SYPL1: variants seen among roughly 807,000 people sequenced by gnomAD.
The protein encoded by SYPL1 is synaptophysin like 1, also known as synaptophysin-like protein 1.
Under a neutral mutation model 23.7 loss-of-function variants are expected in SYPL1, and 6 were observed. The ratio of observed to expected loss-of-function variants is 0.25; its 90% CI spans 0.14 to 0.50. The LOEUF is 0.50. Among genes scored for constraint, SYPL1 ranks in the 20% least tolerant of loss-of-function variants. The pLI is 0.98. For synonymous variants in SYPL1, 102 were observed against 104.5 expected, an observed-to-expected ratio of 0.98 and a Z score of 0.15; for missense variants, 253 against 288.9, an observed-to-expected ratio of 0.88 and a Z score of 0.90.
chr7:106,092,741 G>C lies in SYPL1; in HGVS notation c.591+208C>G, dbSNP rs1356764460. 8.5e-6 allele frequency: 5 copies of C among 587,096 alleles called. No homozygotes were observed. The East Asian group carries it at 1.3e-4, about 15-fold the overall frequency. The allele number at this position is 587,096 out of a possible 1,614,324, so 36.4% of individuals were successfully genotyped here. On this transcript the variant is annotated intron_variant, in intron 4 of 4. Coordinates refer to ENST00000455385, the MANE Select transcript of SYPL1 (RefSeq NM_182715.4). ...TCTGACTAGATGAAAGAAAGTCTCA[G>C]AGATGAATAAAATCATGATCTTGGT...
rs1408894389 is a variant in SYPL1, at chr7:106,093,070, A to G, written c.470T>C (p.Leu157Pro). The change falls in exon 4 of 5, where the codon CTG (leucine) becomes CCG (proline). Residue 157 changes from leucine to proline, a missense_variant. By Grantham distance (98) the Leu-to-Pro change is moderately conservative. Transcript: ENST00000455385. ...LVSTSAWAKA[L>P]TDIKIATGHN... ...ACCAGTAGCTATTTTAATATCTGTC[A>G]GAGCTTTAGCCCAGGCTGAAGTGCT... 6.2e-7 allele frequency: 1 copy of G among 1,613,850 alleles called. No individual in the cohort carries two copies. The highest frequency in any genetic ancestry group is 1.1e-5 in the South Asian group (1 of 91,032).
chr7:106,108,554 T>G (rs1840737129), intron 1 of SYPL1, among the ~76,000 whole-genome samples: 1 of 152,048 alleles, frequency 6.6e-6, no homozygotes, highest in Admixed American at 6.6e-5. Flanking sequence ...ACCACCAACA[T>G]AAGTGAACAT....
At chr7:106,101,692 CA>C (rs199978656) in intron 1 of SYPL1, among the ~76,000 whole-genome samples, 2,894 of 149,224 alleles carry the variant, frequency 0.019, 81 homozygotes, top group African/African-American at 0.066. Flanking sequence ...ATGGAAGAAT[CA>C]ATACTCTCTC....
In SYPL1 at chr7:106,104,448, G is replaced by A. The variant is rs148312064; in HGVS notation, c.70-5166C>T. 6.1e-4 allele frequency among the ~76,000 whole-genome samples: 93 copies of A among 152,176 alleles called. No homozygotes were observed. Among genetic ancestry groups the A allele is most frequent in the African/African-American group, 2.2e-3 (90 of 41,524 alleles). On this transcript the variant is annotated intron_variant, in intron 1 of 4. Transcript: ENST00000455385. This position sits in a 1 kb window ranked among gnomAD's most constrained non-coding sequence, Gnocchi z 4.1. ...TAATATAACAAGTAGCAAATAAATG[G>A]CATACTGCACTACAGCTTGTTGCTT...
In SYPL1 at chr7:106,096,806, T is replaced by G. The variant is rs10274591; in HGVS notation, c.402+884A>C. ...CAAACTTCTTTTGAAAAGGGCCAAA[T>G]AGCAACTATTTTTTATCTCTGTTAC... On this transcript the variant is annotated intron_variant, in intron 3 of 4. Coordinates refer to ENST00000455385, the MANE Select transcript of SYPL1 (RefSeq NM_182715.4). The surrounding 1 kb of genome is among the most constrained non-coding windows in gnomAD (Gnocchi z 4.4). Among the ~76,000 whole-genome samples, 5,274 of 152,278 alleles carry G rather than the reference T, an allele frequency of 0.035. 302 individuals carry two copies. The highest frequency in any genetic ancestry group is 0.12 in the African/African-American group (4,970 of 41,544).
intron 1 of SYPL1, among the ~76,000 whole-genome samples, chr7:106,102,801 C>T (rs1450769992): frequency 6.6e-6 from 1 of 152,104 alleles, no homozygotes; most frequent in Non-Finnish European, 1.5e-5. Flanking sequence ...CAATAGATAA[C>T]TAATACAAGG....
chr7:106,112,335 C>A, upstream of SYPL1: 1 of 1,255,612 alleles, frequency 8.0e-7, no homozygotes, highest in South Asian at 3.1e-5. Flanking sequence ...CGGAGGCGGG[C>A]CCGGGCGGCC....
At chr7:106,111,845 A>C in intron 1 of SYPL1, 9 of 182,562 alleles carry the variant, frequency 4.9e-5, no homozygotes, top group East Asian at 1.4e-4. Context: ...GCCAAGGGGA[A>C]ATTTGAACTC....
Position 106,109,634 on chromosome 7 carries a change from A to T in SYPL1, c.69+2506T>A, listed in dbSNP as rs576972541. On this transcript the variant is annotated intron_variant, in intron 1 of 4. Transcript: ENST00000455385. The surrounding 1 kb of genome is among the most constrained non-coding windows in gnomAD (Gnocchi z 4.3). ...CCTCCAAAAGATCTAAAGAGACCAC[A>T]AACTCAATACATCTGAAACCTTTGA... Among the ~76,000 whole-genome samples the T allele has an allele frequency of 4.1e-4, 63 of 152,284 alleles. No individual in the cohort carries two copies. The South Asian group carries it at 0.012, about 29-fold the overall frequency.
intron 1 of SYPL1, among the ~76,000 whole-genome samples, chr7:106,099,597 T>C (rs562354454): frequency 6.6e-6 from 1 of 152,218 alleles, no homozygotes; most frequent in East Asian, 1.9e-4. Flanking sequence ...CCTCGCTATG[T>C]TGCTCAGATT....
upstream of SYPL1, chr7:106,112,454 C>T (rs1391872347): frequency 1.1e-5 from 16 of 1,471,952 alleles, no homozygotes; most frequent in Admixed American, 2.6e-5. Context: ...GGGCGGAGAC[C>T]GGGAGGCTTC....
Position 106,095,647 on chromosome 7 carries a change from C to T in SYPL1, c.402+2043G>A, listed in dbSNP as rs1358878067. On this transcript the variant is annotated intron_variant, in intron 3 of 4. Transcript: ENST00000455385. The surrounding 1 kb of genome is among the most constrained non-coding windows in gnomAD (Gnocchi z 4.3). ...GATTACAGGCATGACCCACTGCACC[C>T]AGTCTCTCAAAGAAAATCTTTTAAT... is the stretch of plus-strand genomic sequence containing the variant. Among the ~76,000 whole-genome samples the T allele has an allele frequency of 3.3e-5, 5 of 152,140 alleles. No homozygotes were observed. Among genetic ancestry groups the T allele is most frequent in the Non-Finnish European group, 7.4e-5 (5 of 68,020 alleles).
rs564174436 is a variant in SYPL1 at position 106,097,043 on chromosome 7, C to T, written c.402+647G>A. On this transcript the variant is annotated intron_variant, in intron 3 of 4. Transcript: ENST00000455385. This position sits in a 1 kb window ranked among gnomAD's most constrained non-coding sequence, Gnocchi z 4.6. ...CAGCCTGGGCAACATGGTAAAACTTCGTCTTTACAAAAATACACAAAAAGT... is the reference window on the plus strand; with the variant it reads ...CAGCCTGGGCAACATGGTAAAACTTTGTCTTTACAAAAATACACAAAAAGT... 4.8e-4 allele frequency among the ~76,000 whole-genome samples: 73 copies of T among 152,070 alleles called. No individual in the cohort carries two copies. Among genetic ancestry groups the T allele is most frequent in the Non-Finnish European group, 8.8e-4 (60 of 68,002 alleles).
rs1563339630 is a variant in SYPL1, at chr7:106,097,637, T to C, written c.402+53A>G. The C allele has an allele frequency of 2.1e-6, 3 of 1,453,294 alleles. No individual in the cohort carries two copies. Among genetic ancestry groups the C allele is most frequent in the Non-Finnish European group, 2.8e-6 (3 of 1,073,928 alleles). 90.0% of individuals were successfully genotyped at this position (1,453,294 alleles called of 1,614,324 possible). A position where few individuals can be genotyped will look rare whatever the true frequency, so the allele number is the denominator to read the frequency against. On this transcript the variant is annotated intron_variant, in intron 3 of 4. Transcript: ENST00000455385. The surrounding 1 kb of genome is among the most constrained non-coding windows in gnomAD (Gnocchi z 4.6). ...TTTATTTCCAGTATAAGAAAATCTA[T>C]ATTTAGCTTATACAAATTATTTTTG...
chr7:106,108,178 A>G (rs1164484445), intron 1 of SYPL1, among the ~76,000 whole-genome samples: 3 of 152,210 alleles, frequency 2.0e-5, no homozygotes, highest in Non-Finnish European at 4.4e-5. Flanking sequence ...TGGACAAGAC[A>G]GAGACTATAT....
intron 2 of SYPL1, 150 bp downstream of exon 2, chr7:106,099,008 G>A (rs1840170336): frequency 6.4e-6 from 6 of 936,570 alleles, no homozygotes; most frequent in Non-Finnish European, 9.6e-6. Context: ...ATGGGTCTGT[G>A]TACCACAGTT....
At chr7:106,099,045 A>G in intron 2 of SYPL1, 113 bp downstream of exon 2, 1 of 1,311,338 alleles carries the variant, frequency 7.6e-7, no homozygotes, top group Non-Finnish European at 1.1e-6. Flanking sequence ...CTTACAAATG[A>G]GCATACAGTC....
At position 106,112,141 on chromosome 7, in the gene SYPL1, C is replaced by A; in HGVS notation, c.68G>T (p.Trp23Leu). The A allele has an allele frequency of 2.0e-6, 3 of 1,519,294 alleles. No homozygotes were observed. Among genetic ancestry groups the A allele is most frequent in the Admixed American group, 1.8e-5 (1 of 54,874 alleles). 94.1% of individuals were successfully genotyped at this position (1,519,294 alleles called of 1,614,324 possible). A position where few individuals can be genotyped will look rare whatever the true frequency, so the allele number is the denominator to read the frequency against. ...CTGGCCGGCGCGGGCTGCACTCACC[C>A]ACTCGAGGACCTTGATGAAGCCGAG... ...EPLGFIKVLE[W>L]IASIFAFATC... is the part of the protein sequence containing the mutation. The change falls in exon 1 of 5, where the codon TGG becomes TTG. Residue 23 changes from tryptophan to leucine, a missense_variant and splice_region_variant. Coordinates refer to ENST00000455385, the MANE Select transcript of SYPL1 (RefSeq NM_182715.4).
rs998766612 is a variant in SYPL1, at chr7:106,100,423, G to A, written c.70-1141C>T. On this transcript the variant is annotated intron_variant, in intron 1 of 4. Coordinates refer to ENST00000455385, the MANE Select transcript of SYPL1 (RefSeq NM_182715.4). This position sits in a 1 kb window ranked among gnomAD's most constrained non-coding sequence, Gnocchi z 5.1. ...ATAGAAAGTGTTCATTACATACAAAGTAGATTTAAACAACAAAAACTAGAA... is the reference window on the plus strand; with the variant it reads ...ATAGAAAGTGTTCATTACATACAAAATAGATTTAAACAACAAAAACTAGAA... Among the ~76,000 whole-genome samples, 3 of 152,124 alleles carry A rather than the reference G, an allele frequency of 2.0e-5. No homozygotes were observed. Among genetic ancestry groups the A allele is most frequent in the African/African-American group, 7.2e-5 (3 of 41,438 alleles).
Sources: allele counts gnomAD v4.1 joint callset (sites outside exome capture counted in the v4.1 genomes callset), GRCh38; gene constraint gnomAD v4.1.1; non-coding constraint Gnocchi (gnomAD v3.1); transcripts MANE v1.5; gene names NCBI Gene and HGNC (gene_info 2026-07-23, HGNC 2026-07-21).